The following RBM33 variants were observed in gnomAD, a reference collection of about 807,000 sequenced individuals.
RBM33 encodes the protein RNA-binding protein 33.
Under a neutral mutation model 132.6 loss-of-function variants are expected in RBM33, and 28 were observed. The ratio of observed to expected loss-of-function variants is 0.21; its 90% CI spans 0.16 to 0.29. The LOEUF (loss-of-function observed/expected upper bound fraction) is 0.29, where lower values mean the gene tolerates loss of function less well. Ranked by LOEUF, RBM33 falls within the 10% of genes least tolerant of loss-of-function variation. The probability of loss-of-function intolerance (pLI) is 1.00; values close to 1 mark genes in which losing one functional copy is unlikely to be tolerated. For missense variants in RBM33, 1,291 were observed against 1,518.5 expected, an observed-to-expected ratio of 0.85 and a Z score of 2.49; for synonymous variants, 634 against 593.0, an observed-to-expected ratio of 1.07 and a Z score of -1.01.
At chr7:155,703,203 T>G (rs4716899) in intron 6 of RBM33, among the ~76,000 whole-genome samples, 54,163 of 152,096 alleles carry the variant, frequency 0.36, 10,559 homozygotes, top group African/African-American at 0.49. Flanking sequence ...CCCTCATTTT[T>G]TTCTTTCCAA....
intron 8 of RBM33, among the ~76,000 whole-genome samples, chr7:155,717,299 G>A (rs977782136): frequency 6.6e-6 from 1 of 152,142 alleles, no homozygotes; most frequent in Admixed American, 6.5e-5. Context: ...TCCTTCTGAG[G>A]CCTCTCTCCT....
chr7:155,687,377 C>G (rs1799511521), intron 5 of RBM33, among the ~76,000 whole-genome samples: 1 of 152,158 alleles, frequency 6.6e-6, no homozygotes, highest in African/African-American at 2.4e-5. Context: ...TGGATATTAG[C>G]CCTTTGTCAG....
rs796870067 is a variant in RBM33, at chr7:155,778,747, TTTG to T, written c.*3712_*3714del. ...ACTCATCACTTGTTTTCTTTTGGCT[TTTG>T]TTGTTTTTGTTTTGTTCTGTTTGTT... On this transcript the variant is annotated 3_prime_UTR_variant, in exon 18 of 18. Transcript: ENST00000401878. This position sits in a 1 kb window ranked among gnomAD's most constrained non-coding sequence, Gnocchi z 4.0. 5.8e-4 allele frequency: 88 copies of T among 152,442 alleles called. No individual in the cohort carries two copies. Among genetic ancestry groups the T allele is most frequent in the African/African-American group, 2.0e-3 (83 of 41,560 alleles). The allele number at this position is 152,442 out of a possible 1,614,324, so 9.4% of individuals were successfully genotyped here. A position where few individuals can be genotyped will look rare whatever the true frequency, so the allele number is the denominator to read the frequency against.
intron 8 of RBM33, among the ~76,000 whole-genome samples, chr7:155,712,805 G>GGGGCCATC (rs1800345326): frequency 6.6e-6 from 1 of 152,252 alleles, no homozygotes; most frequent in South Asian, 2.1e-4. Flanking sequence ...GTGGGGCCGT[G>GGGGCCATC]GGGCCATCCA....
At chr7:155,656,803 A>C (rs1199170054) in intron 1 of RBM33, among the ~76,000 whole-genome samples, 1 of 152,242 alleles carries the variant, frequency 6.6e-6, no homozygotes, top group African/African-American at 2.4e-5. Flanking sequence ...AATTATAGTC[A>C]GCCCAGTTTG....
chr7:155,672,785 T>C, intron 2 of RBM33, 82 bp from the exon 3 acceptor site: 1 of 989,334 alleles, frequency 1.0e-6, no homozygotes, highest in Non-Finnish European at 1.5e-6. Flanking sequence ...GCTGTAGAGT[T>C]CTTGGTAAAT....
chr7:155,651,475 C>T lies in RBM33; in HGVS notation c.43+6556C>T, dbSNP rs1331850569. 2.0e-5 allele frequency among the ~76,000 whole-genome samples: 3 copies of T among 150,294 alleles called. No individual in the cohort carries two copies. The Admixed American group carries it at 2.0e-4, about 10-fold the overall frequency. ...TGTTTGACATTTCATCCCTTAAACT[C>T]AGCCATTTAGAAGGCTTCATGGCTA... On this transcript the variant is annotated intron_variant, in intron 1 of 17. Transcript: ENST00000401878.
chr7:155,751,605 A>T (rs1801687140), intron 14 of RBM33, among the ~76,000 whole-genome samples: 1 of 152,028 alleles, frequency 6.6e-6, no homozygotes, highest in Non-Finnish European at 1.5e-5. Context: ...ATTCATCCTG[A>T]TCGGTTTCAG....
chr7:155,688,131 G>T (rs561601584), intron 5 of RBM33, among the ~76,000 whole-genome samples: 3 of 152,168 alleles, frequency 2.0e-5, no homozygotes, highest in South Asian at 2.1e-4. Flanking sequence ...TTCCATTTGC[G>T]TGTGTCCTCT....
intron 6 of RBM33, among the ~76,000 whole-genome samples, chr7:155,706,184 CA>C (rs1164517835): frequency 6.6e-6 from 1 of 152,156 alleles, no homozygotes; most frequent in Non-Finnish European, 1.5e-5. Flanking sequence ...TGATGTCATG[CA>C]CCATCAGTAA....
intron 14 of RBM33, among the ~76,000 whole-genome samples, chr7:155,751,153 T>C (rs947116519): frequency 2.0e-5 from 3 of 152,206 alleles, no homozygotes; most frequent in African/African-American, 4.8e-5. Context: ...TGTTTTAATA[T>C]AATTTTAGTT....
intron 9 of RBM33, among the ~76,000 whole-genome samples, chr7:155,727,463 T>C (rs1327447508): frequency 1.3e-5 from 2 of 152,194 alleles, no homozygotes; most frequent in African/African-American, 4.8e-5. Flanking sequence ...CTGACATGTT[T>C]GTCAGAATTT....
intron 5 of RBM33, among the ~76,000 whole-genome samples, chr7:155,689,325 T>G (rs1279154819): frequency 6.6e-6 from 1 of 152,224 alleles, no homozygotes. Context: ...GATATCCGCT[T>G]TATCATTTTT....
rs544817318 is a variant in RBM33, at chr7:155,746,032, G to A, written c.2979+430G>A. 8.5e-5 allele frequency among the ~76,000 whole-genome samples: 13 copies of A among 152,298 alleles called. No homozygotes were observed. In the East Asian group the frequency reaches 1.7e-3, roughly 20 times the overall value. On this transcript the variant is annotated intron_variant, in intron 14 of 17. Coordinates refer to ENST00000401878, the MANE Select transcript of RBM33 (RefSeq NM_053043.3). ...TACAGTGTCATAACCTCATGGGACC[G>A]CCTTTGCAGGTGTCGCCCATCTGAG...
chr7:155,702,146 AGACTT>A (rs1163814765), intron 6 of RBM33, among the ~76,000 whole-genome samples: 2 of 152,230 alleles, frequency 1.3e-5, no homozygotes, highest in African/African-American at 4.8e-5. Context: ...ATAAGAATCA[AGACTT>A]ACCTTTCATG....
chr7:155,669,357 T>G (rs1418522921), intron 2 of RBM33, among the ~76,000 whole-genome samples: 1 of 152,092 alleles, frequency 6.6e-6, no homozygotes, highest in African/African-American at 2.4e-5. Context: ...TCAAAAAGTT[T>G]TTGTTTGTTT....
At chr7:155,750,370 C>CT (rs1196309440) in intron 14 of RBM33, among the ~76,000 whole-genome samples, 2 of 129,470 alleles carry the variant, frequency 1.5e-5, no homozygotes, top group African/African-American at 8.1e-5. Context: ...TTAGTGTAAA[C>CT]TTATATAGTC....
At chr7:155,717,146 G>A (rs1800485239) in intron 8 of RBM33, among the ~76,000 whole-genome samples, 2 of 152,094 alleles carry the variant, frequency 1.3e-5, no homozygotes, top group Non-Finnish European at 2.9e-5. Context: ...AATATGCTTC[G>A]TTGTCAATTC....
At chr7:155,707,818 A>G (rs1800160191) in intron 7 of RBM33, among the ~76,000 whole-genome samples, 1 of 152,068 alleles carries the variant, frequency 6.6e-6, no homozygotes, top group South Asian at 2.1e-4. Context: ...CACCACACCC[A>G]GTTAATTTTA....
Sources: gnomAD v4.1 joint callset for allele counts (sites outside exome capture counted in the v4.1 genomes callset) on GRCh38, gnomAD v4.1.1 for gene constraint, Gnocchi (gnomAD v3.1) non-coding constraint, MANE v1.5 for transcripts, NCBI Gene and HGNC (gene_info 2026-07-23, HGNC 2026-07-21) for gene names.